Variants in ZSCAN1 observed in about 807,000 individuals in gnomAD.
ZSCAN1 encodes zinc finger and SCAN domain-containing protein 1.
Under a neutral mutation model 23.8 loss-of-function variants are expected in ZSCAN1, and 23 were observed. That is an observed-to-expected ratio of 0.97 (90% CI 0.70 to 1.37). ZSCAN1 has a LOEUF of 1.37. Among genes scored for constraint, ZSCAN1 ranks in the 40% most tolerant of loss-of-function variants. ZSCAN1 has a pLI of 0.00. For synonymous variants in ZSCAN1, 236 were observed against 232.3 expected, an observed-to-expected ratio of 1.02 and a Z score of -0.15; for missense variants, 575 against 554.0, an observed-to-expected ratio of 1.04 and a Z score of -0.38.
chr19:58,046,718 A>C, intron 4 of ZSCAN1: 1 of 800,246 alleles, frequency 1.2e-6, no homozygotes, highest in East Asian at 2.5e-5. Context: ...AAAGAGGAGA[A>C]AGGGTGGAGA....
intron 3 of ZSCAN1, among the ~76,000 whole-genome samples, chr19:58,039,671 T>C (rs2073770658): frequency 6.7e-6 from 1 of 149,496 alleles, no homozygotes; most frequent in Non-Finnish European, 1.5e-5. Flanking sequence ...CTCAGGAAGC[T>C]GAGGCAGGAG....
At chr19:58,042,624 TGCATCTAACGGAG>T (rs1407291910) in intron 4 of ZSCAN1, among the ~76,000 whole-genome samples, 5 of 152,204 alleles carry the variant, frequency 3.3e-5, no homozygotes, top group African/African-American at 9.7e-5. Context: ...TTTCTGTTTC[TGCATCTAACGGAG>T]GCATCTAACC....
Position 58,053,694 on chromosome 19 carries a change from GC to G in ZSCAN1, c.873del (p.Phe292SerfsTer158). On this transcript the variant is annotated frameshift_variant, in exon 6 of 6. Coordinates refer to ENST00000282326, the MANE Select transcript of ZSCAN1 (RefSeq NM_182572.4). LOFTEE classifies it low-confidence loss of function (END_TRUNC). The surrounding 1 kb of genome is among the most constrained non-coding windows in gnomAD (Gnocchi z 5.8). Reference sequence around the variant, plus strand: ...TGCCGCGTGGGCCCCGAGGTGGGCGGCCCTTCCAGTGTGCCGACTGTGGGAT... The same window carrying G: ...TGCCGCGTGGGCCCCGAGGTGGGCGGCCTTCCAGTGTGCCGACTGTGGGAT... ...VVPRGPRGGR[P>X]FQCADCGMVF... The G allele has an allele frequency of 6.2e-7, 1 of 1,614,114 alleles. No individual in the cohort carries two copies. Among genetic ancestry groups the G allele is most frequent in the Non-Finnish European group, 8.5e-7 (1 of 1,180,024 alleles).
intron 3 of ZSCAN1, among the ~76,000 whole-genome samples, chr19:58,039,770 C>CAAAAAA (rs67254346): frequency 1.2e-5 from 1 of 83,300 alleles, no homozygotes; most frequent in Non-Finnish European, 2.4e-5. Flanking sequence ...GACTCCGTCT[C>CAAAAAA]AAAAAAAAAA....
chr19:58,037,402 G>C (rs1298043697), intron 2 of ZSCAN1, among the ~76,000 whole-genome samples: 3 of 147,520 alleles, frequency 2.0e-5, no homozygotes, highest in African/African-American at 7.5e-5. Context: ...AAGGGGAAAA[G>C]TTGTGTTCAG....
At position 58,044,818 on chromosome 19, in the gene ZSCAN1, G is replaced by A. The variant is rs1267422192; in HGVS notation, c.465+4274G>A. 2.0e-5 allele frequency: 15 copies of A among 737,678 alleles called. No homozygotes were observed. The East Asian group carries it at 3.0e-4, about 15-fold the overall frequency. The allele number at this position is 737,678 out of a possible 1,614,324, so 45.7% of individuals were successfully genotyped here. A position where few individuals can be genotyped will look rare whatever the true frequency, so the allele number is the denominator to read the frequency against. ...CCTCAGCTGTTGGACTCTGAGGCCC[G>A]AGTGCCTTCGCACCGTGTCGAGAGC... On this transcript the variant is annotated intron_variant, in intron 4 of 5. Coordinates refer to ENST00000282326, the MANE Select transcript of ZSCAN1 (RefSeq NM_182572.4).
intron 4 of ZSCAN1, 152 bp from the exon 5 acceptor site, chr19:58,052,338 A>T: frequency 7.7e-7 from 1 of 1,302,904 alleles, no homozygotes; most frequent in Non-Finnish European, 1.1e-6. Context: ...CAGCATCAGC[A>T]TCCCAAAGCA....
In ZSCAN1 at chr19:58,040,611, C is replaced by T; in HGVS notation, c.465+67C>T. 6.7e-7 allele frequency: 1 copy of T among 1,497,934 alleles called. No individual in the cohort carries two copies. The highest frequency in any genetic ancestry group is 9.3e-7 in the Non-Finnish European group (1 of 1,079,100). 92.8% of individuals were successfully genotyped at this position (1,497,934 alleles called of 1,614,324 possible). A position where few individuals can be genotyped will look rare whatever the true frequency, so the allele number is the denominator to read the frequency against. On this transcript the variant is annotated intron_variant, in intron 4 of 5. Coordinates refer to ENST00000282326, the MANE Select transcript of ZSCAN1 (RefSeq NM_182572.4). This position sits in a 1 kb window ranked among gnomAD's most constrained non-coding sequence, Gnocchi z 5.8. ...GCATGCGTGCCGCTTCTGGGACGGC[C>T]TCAAGGATGCCCCATCCAAGGACTG...
At chr19:58,041,974 A>G (rs1277484228) in intron 4 of ZSCAN1, among the ~76,000 whole-genome samples, 1 of 152,200 alleles carries the variant, frequency 6.6e-6, no homozygotes, top group Non-Finnish European at 1.5e-5. Context: ...TTCAAGGAAG[A>G]AGGAAGTAAC....
chr19:58,046,203 C>A (rs994739934), intron 4 of ZSCAN1: 7 of 764,022 alleles, frequency 9.2e-6, no homozygotes, highest in Admixed American at 6.9e-5. Flanking sequence ...AGATCAGCAT[C>A]CTCAGCAATG....
intron 4 of ZSCAN1, among the ~76,000 whole-genome samples, chr19:58,043,640 T>C (rs2123428805): frequency 6.7e-6 from 1 of 149,668 alleles, no homozygotes; most frequent in South Asian, 2.1e-4. Context: ...TACTGTAAGT[T>C]TTTGCTTTAC....
chr19:58,051,942 G>A (rs370574820), intron 4 of ZSCAN1, among the ~76,000 whole-genome samples: 1 of 152,224 alleles, frequency 6.6e-6, no homozygotes, highest in African/African-American at 2.4e-5. Flanking sequence ...GGTGATCCCC[G>A]CTTTGGGCGG....
chr19:58,038,364 T>C, intron 3 of ZSCAN1, 158 bp downstream of exon 3: 1 of 965,500 alleles, frequency 1.0e-6, no homozygotes, highest in Non-Finnish European at 1.5e-6. Context: ...TTAATTATTT[T>C]TACATATAAA....
chr19:58,037,338 CTCG>C (rs113810943), intron 2 of ZSCAN1, among the ~76,000 whole-genome samples: 1,806 of 152,258 alleles, frequency 0.012, 47 homozygotes, highest in African/African-American at 0.042. Context: ...GTTCCCGCAG[CTCG>C]TCAGTCAATG....
At chr19:58,034,596 C>G (rs1434776869) in intron 1 of ZSCAN1, among the ~76,000 whole-genome samples, 1 of 151,510 alleles carries the variant, frequency 6.6e-6, no homozygotes, top group East Asian at 2.0e-4. Context: ...CAGCCGCCCC[C>G]GGACCCATCT....
chr19:58,042,539 C>G (rs969879043), intron 4 of ZSCAN1, among the ~76,000 whole-genome samples: 1 of 152,082 alleles, frequency 6.6e-6, no homozygotes, highest in Non-Finnish European at 1.5e-5. Context: ...GCCATCGCGC[C>G]CGGCCCTAAA....
chr19:58,037,631 C>A, intron 2 of ZSCAN1, 97 bp from the exon 3 acceptor site: 1 of 559,794 alleles, frequency 1.8e-6, no homozygotes, highest in Non-Finnish European at 2.9e-6. Flanking sequence ...CCTTGGGGTG[C>A]TGGAGGTCAG....
At chr19:58,048,591 TGCCCCACA>T (rs1186785680) in intron 4 of ZSCAN1, among the ~76,000 whole-genome samples, 1 of 152,210 alleles carries the variant, frequency 6.6e-6, no homozygotes, top group Non-Finnish European at 1.5e-5. Flanking sequence ...ATGATTCTCC[TGCCCCACA>T]GACAAACGCC....
At position 58,040,155 on chromosome 19, in the gene ZSCAN1, G is replaced by A. The variant is rs1379747764; in HGVS notation, c.371-295G>A. Among the ~76,000 whole-genome samples the A allele has an allele frequency of 1.3e-5, 2 of 152,192 alleles. No homozygotes were observed. The highest frequency in any genetic ancestry group is 2.9e-5 in the Non-Finnish European group (2 of 68,028). On this transcript the variant is annotated intron_variant, in intron 3 of 5. Coordinates refer to ENST00000282326, the MANE Select transcript of ZSCAN1 (RefSeq NM_182572.4). This position sits in a 1 kb window ranked among gnomAD's most constrained non-coding sequence, Gnocchi z 5.8. The stretch of plus-strand genomic sequence containing the variant: ...GGGGAGCAGAGGGCTCACAGTGCTC[G>A]GGCCTCCCTAGTTAGTCAGTGCTGC...
Sources: allele counts gnomAD v4.1 joint callset (sites outside exome capture counted in the v4.1 genomes callset), GRCh38; gene constraint gnomAD v4.1.1; non-coding constraint Gnocchi (gnomAD v3.1); transcripts MANE v1.5; gene names NCBI Gene and HGNC (gene_info 2026-07-23, HGNC 2026-07-21).